SGSM1: variants seen among roughly 807,000 people sequenced by gnomAD.
The protein encoded by SGSM1 is RUN and TBC1 domain containing 2.
SGSM1 carries 73 observed loss-of-function variants against 133.8 expected under a neutral mutation model. The observed-to-expected ratio is 0.55, with a 90% CI of 0.45 to 0.66. SGSM1 has a LOEUF of 0.66. Among genes scored for constraint, SGSM1 ranks in the 30% least tolerant of loss-of-function variants. The pLI is 0.00. For missense variants in SGSM1, 1,213 were observed against 1,448.1 expected (o/e 0.84, Z 2.64); for synonymous variants, 563 against 573.0 (o/e 0.98, Z 0.25).
intron 2 of SGSM1, among the ~76,000 whole-genome samples, chr22:24,832,312 G>A (rs1308963949): frequency 1.3e-5 from 2 of 152,222 alleles, no homozygotes; most frequent in African/African-American, 2.4e-5. Flanking sequence ...TGCTCGCCAT[G>A]TCTGTGTGGC....
intron 2 of SGSM1, among the ~76,000 whole-genome samples, chr22:24,817,934 T>C (rs886239539): frequency 2.6e-5 from 4 of 152,070 alleles, no homozygotes; most frequent in Non-Finnish European, 4.4e-5. Flanking sequence ...GTCTCTTTTA[T>C]AAGAGCACAA....
intron 13 of SGSM1, 42 bp from the exon 14 acceptor site, chr22:24,879,420 T>G: frequency 6.2e-7 from 1 of 1,603,412 alleles, no homozygotes; most frequent in Non-Finnish European, 8.5e-7. Context: ...CTGGGCTGTG[T>G]TTGGATCTAT....
intron 2 of SGSM1, among the ~76,000 whole-genome samples, chr22:24,816,413 C>CTTTA (rs1479240071): frequency 2.6e-5 from 3 of 116,466 alleles, no homozygotes; most frequent in Non-Finnish European, 1.8e-5. Flanking sequence ...TCTTTTTTTT[C>CTTTA]TTTCTTTTTT....
intron 2 of SGSM1, among the ~76,000 whole-genome samples, chr22:24,825,828 G>T (rs1928770131): frequency 6.6e-6 from 1 of 152,188 alleles, no homozygotes; most frequent in African/African-American, 2.4e-5. Context: ...GCGTCAGGGA[G>T]CCCATGTCAT....
chr22:24,814,257 G>A (rs1927928241), intron 2 of SGSM1: 1 of 145,762 alleles, frequency 6.9e-6, no homozygotes, highest in African/African-American at 2.5e-5. Context: ...ATTCTAATGG[G>A]ATAAAGATTA....
rs142991826 is a variant in SGSM1 at position 24,892,290 on chromosome 22, G to A, written c.1771-1141G>A. ...AAGTCCTGAGTAGCCATAGGAGAGG[G>A]TCGGGCTCCCCACCCTCTCTTTTCC... On this transcript the variant is annotated intron_variant, in intron 16 of 24. Transcript: ENST00000400358. 3.6e-4 allele frequency among the ~76,000 whole-genome samples: 55 copies of A among 152,206 alleles called. 1 individual carries two copies. In the East Asian group the frequency reaches 0.01, roughly 28 times the overall value.
chr22:24,836,068 G>A (rs1447651446), intron 2 of SGSM1, among the ~76,000 whole-genome samples: 1 of 151,906 alleles, frequency 6.6e-6, no homozygotes, highest in African/African-American at 2.4e-5. Flanking sequence ...ATCTCTTTTC[G>A]AAAGATAAAC....
chr22:24,913,509 A>G (rs2123737639), intron 22 of SGSM1, among the ~76,000 whole-genome samples: 1 of 152,278 alleles, frequency 6.6e-6, no homozygotes, highest in Middle Eastern at 3.4e-3. Context: ...AGGAATTAAG[A>G]CACTCAACCC....
chr22:24,882,372 G>GT (rs1932380658), intron 14 of SGSM1, among the ~76,000 whole-genome samples: 1 of 152,038 alleles, frequency 6.6e-6, no homozygotes, highest in Non-Finnish European at 1.5e-5. Context: ...GCCCCGCCCT[G>GT]TTTTTTATTT....
rs372106147 is a variant in SGSM1, at chr22:24,850,435, G to T, written c.455+3G>T. On this transcript the variant is annotated splice_donor_region_variant and intron_variant, in intron 5 of 24. Coordinates refer to ENST00000400358, the MANE Select transcript of SGSM1 (RefSeq NM_001098497.3). Reference sequence around the variant, plus strand: ...CATTACCTTGTGGAAAACAGCAGGTGAGAGGGAAAGACCTGACACCTGGCC... The same window carrying T: ...CATTACCTTGTGGAAAACAGCAGGTTAGAGGGAAAGACCTGACACCTGGCC... The T allele has an allele frequency of 3.7e-6, 6 of 1,613,858 alleles. No homozygotes were observed. Among genetic ancestry groups the T allele is most frequent in the Non-Finnish European group, 5.1e-6 (6 of 1,179,822 alleles).
At chr22:24,865,036 G>A (rs1425026988) in intron 9 of SGSM1, among the ~76,000 whole-genome samples, 1 of 152,192 alleles carries the variant, frequency 6.6e-6, no homozygotes, top group African/African-American at 2.4e-5. Context: ...TTAGCTGGGA[G>A]CCTGGCACCT....
At chr22:24,870,292 T>C (rs1227870842) in intron 12 of SGSM1, among the ~76,000 whole-genome samples, 1 of 152,202 alleles carries the variant, frequency 6.6e-6, no homozygotes, top group Admixed American at 6.5e-5. Context: ...TGAAATCCCC[T>C]GGGATGTTGA....
chr22:24,824,976 A>G (rs1928717613), intron 2 of SGSM1, among the ~76,000 whole-genome samples: 1 of 152,182 alleles, frequency 6.6e-6, no homozygotes, highest in East Asian at 1.9e-4. Flanking sequence ...CTCGAGAAAT[A>G]TTGAGTGCAT....
chr22:24,920,581 C>T (rs997044948), intron 24 of SGSM1, among the ~76,000 whole-genome samples: 1 of 152,248 alleles, frequency 6.6e-6, no homozygotes, highest in East Asian at 1.9e-4. Flanking sequence ...AATCCCAGCA[C>T]GTGGTACCTG....
At chr22:24,850,229 T>C (rs1930374765) in intron 4 of SGSM1, 51 bp from the exon 5 acceptor site, 1 of 1,529,564 alleles carries the variant, frequency 6.5e-7, no homozygotes, top group Non-Finnish European at 8.9e-7. Flanking sequence ...ATTAGTCCTG[T>C]GTAGATTTGC....
chr22:24,854,029 G>T (rs536247261), intron 5 of SGSM1, among the ~76,000 whole-genome samples: 3 of 152,282 alleles, frequency 2.0e-5, no homozygotes, highest in South Asian at 2.1e-4. Context: ...CACAAGAATA[G>T]CATGGGAAAT....
At chr22:24,902,093 C>A in intron 20 of SGSM1, 136 bp downstream of exon 20, 1 of 927,352 alleles carries the variant, frequency 1.1e-6, no homozygotes, top group Non-Finnish European at 1.6e-6. Flanking sequence ...ACTTAGCCCA[C>A]AGTGAAAATT....
At chr22:24,868,591 G>A in intron 11 of SGSM1, 52 bp downstream of exon 11, 3 of 1,612,472 alleles carry the variant, frequency 1.9e-6, no homozygotes, top group South Asian at 2.2e-5. Flanking sequence ...GGTCACAGAG[G>A]GTGGTTGTTT....
At chr22:24,829,665 G>T (rs975766511) in intron 2 of SGSM1, among the ~76,000 whole-genome samples, 1 of 152,094 alleles carries the variant, frequency 6.6e-6, no homozygotes, top group South Asian at 2.1e-4. Context: ...CCACCTTTGA[G>T]TAACCTAGGA....
Sources: gnomAD v4.1 joint callset for allele counts (sites outside exome capture counted in the v4.1 genomes callset) on GRCh38, gnomAD v4.1.1 for gene constraint, MANE v1.5 for transcripts, NCBI Gene and HGNC (gene_info 2026-07-23, HGNC 2026-07-21) for gene names.